Variants in LRRC4C observed in about 807,000 individuals in gnomAD.
The protein encoded by LRRC4C is leucine rich repeat containing 4C.
LRRC4C carries 5 observed loss-of-function variants against 33.6 expected under a neutral mutation model. The observed-to-expected ratio is 0.15, with a 90% CI of 0.08 to 0.31. LRRC4C has a LOEUF of 0.31. Among genes scored for constraint, LRRC4C ranks in the 10% least tolerant of loss-of-function variants. LRRC4C has a pLI of 1.00. For missense variants in LRRC4C, 560 were observed against 796.7 expected, an observed-to-expected ratio of 0.70 and a Z score of 3.58; for synonymous variants, 329 against 302.0, an observed-to-expected ratio of 1.09 and a Z score of -0.93.
At chr11:40,509,950 G>T (rs1002409597) in intron 3 of LRRC4C, among the ~76,000 whole-genome samples, 2 of 152,082 alleles carry the variant, frequency 1.3e-5, no homozygotes, top group Admixed American at 1.3e-4. Context: ...GAGGCAGTGT[G>T]CAAGGCAGTG....
chr11:40,252,207 A>C (rs892416877), intron 4 of LRRC4C, among the ~76,000 whole-genome samples: 2 of 151,982 alleles, frequency 1.3e-5, no homozygotes, highest in African/African-American at 4.8e-5. Context: ...ACCCTAGCAC[A>C]CATATGTATA....
At chr11:40,571,693 GT>G (rs1461027231) in intron 3 of LRRC4C, among the ~76,000 whole-genome samples, 1 of 152,054 alleles carries the variant, frequency 6.6e-6, no homozygotes, top group Non-Finnish European at 1.5e-5. Flanking sequence ...ATTATATTGT[GT>G]TTCTATCTGT....
At chr11:41,171,171 T>A (rs1944960650) in intron 1 of LRRC4C, among the ~76,000 whole-genome samples, 2 of 152,002 alleles carry the variant, frequency 1.3e-5, no homozygotes. Context: ...GTAAACTAGT[T>A]CAACCATTGT....
At chr11:41,031,653 G>A (rs976796437) in intron 1 of LRRC4C, among the ~76,000 whole-genome samples, 4 of 151,928 alleles carry the variant, frequency 2.6e-5, no homozygotes, top group Admixed American at 1.3e-4. Flanking sequence ...ATTCAAGCTC[G>A]GTATTGGGAC....
chr11:40,807,920 T>C (rs1191046015), intron 2 of LRRC4C, among the ~76,000 whole-genome samples: 1 of 152,198 alleles, frequency 6.6e-6, no homozygotes, highest in Admixed American at 6.6e-5. Context: ...ATTCCATGCC[T>C]GGGAATAATA....
At chr11:40,512,016 C>A (rs769177820) in intron 3 of LRRC4C, among the ~76,000 whole-genome samples, 7 of 151,972 alleles carry the variant, frequency 4.6e-5, no homozygotes, top group Non-Finnish European at 8.8e-5. Context: ...TGTATTAGTG[C>A]AGGATGAGCC....
intron 1 of LRRC4C, among the ~76,000 whole-genome samples, chr11:40,967,673 C>T (rs1851456955): frequency 6.6e-6 from 1 of 151,694 alleles, no homozygotes; most frequent in South Asian, 2.1e-4. Context: ...CAAATCATGC[C>T]CATATAAGAC....
intron 2 of LRRC4C, among the ~76,000 whole-genome samples, chr11:40,799,658 A>G (rs939063457): frequency 6.6e-6 from 1 of 152,028 alleles, no homozygotes; most frequent in Admixed American, 6.6e-5. Context: ...TTAGTAGAGA[A>G]GGGGTTTTGC....
intron 1 of LRRC4C, among the ~76,000 whole-genome samples, chr11:40,969,274 T>C (rs2136966987): frequency 8.2e-6 from 1 of 121,346 alleles, no homozygotes; most frequent in African/African-American, 2.8e-5. Context: ...GTTAGGGAGT[T>C]GTTTCTTATG....
At chr11:40,636,453 G>A (rs1018141196) in intron 3 of LRRC4C, among the ~76,000 whole-genome samples, 1 of 152,046 alleles carries the variant, frequency 6.6e-6, no homozygotes, top group Non-Finnish European at 1.5e-5. Flanking sequence ...CATTGGTAAT[G>A]GTATCTCAGA....
In LRRC4C at chr11:40,936,400, C is replaced by T. The variant is rs11036153; in HGVS notation, c.-495-2677G>A. ...CTGCCCAGGCTGGAGTGCAGTGGCGCGATCTCGGCTCACTGCAAGCTCCGC... is the reference window on the plus strand; with the variant it reads ...CTGCCCAGGCTGGAGTGCAGTGGCGTGATCTCGGCTCACTGCAAGCTCCGC... On this transcript the variant is annotated intron_variant, in intron 1 of 6. Transcript: ENST00000528697. Among the ~76,000 whole-genome samples, 107 of 144,848 alleles carry T rather than the reference C, an allele frequency of 7.4e-4. 1 individual carries two copies. In the East Asian group the frequency reaches 0.02, roughly 27 times the overall value.
At chr11:40,778,530 A>G (rs1358181822) in intron 2 of LRRC4C, among the ~76,000 whole-genome samples, 2 of 152,170 alleles carry the variant, frequency 1.3e-5, no homozygotes, top group Non-Finnish European at 2.9e-5. Flanking sequence ...CTTTAATGAA[A>G]AAACAATAAT....
At chr11:40,744,332 G>C (rs532545704) in intron 2 of LRRC4C, among the ~76,000 whole-genome samples, 1 of 152,146 alleles carries the variant, frequency 6.6e-6, no homozygotes, top group Non-Finnish European at 1.5e-5. Flanking sequence ...GGTGACATCT[G>C]AAAAGATTAA....
intron 3 of LRRC4C, among the ~76,000 whole-genome samples, chr11:40,565,139 T>A (rs1957703777): frequency 6.6e-6 from 1 of 152,158 alleles, no homozygotes; most frequent in African/African-American, 2.4e-5. Flanking sequence ...GGAAATGTGA[T>A]TCATTCCACT....
At chr11:40,460,403 C>T (rs1213398511) in intron 3 of LRRC4C, among the ~76,000 whole-genome samples, 1 of 151,798 alleles carries the variant, frequency 6.6e-6, no homozygotes, top group Non-Finnish European at 1.5e-5. Flanking sequence ...GGCATGACTG[C>T]AGATAATAAA....
chr11:40,815,322 T>G (rs1951662916), intron 2 of LRRC4C, among the ~76,000 whole-genome samples: 3 of 152,140 alleles, frequency 2.0e-5, no homozygotes, highest in African/African-American at 4.8e-5. Flanking sequence ...AACTTGCCCC[T>G]TAATTCAATT....
At chr11:40,362,617 G>T (rs748204132) in intron 3 of LRRC4C, among the ~76,000 whole-genome samples, 2 of 152,142 alleles carry the variant, frequency 1.3e-5, no homozygotes, top group Non-Finnish European at 1.5e-5. Context: ...CTACTTGGGA[G>T]GCCAAGGAGG....
chr11:41,061,428 T>C (rs1158897037), intron 1 of LRRC4C, among the ~76,000 whole-genome samples: 4 of 125,288 alleles, frequency 3.2e-5, no homozygotes, highest in Non-Finnish European at 7.2e-5. Context: ...TCATTTAAAA[T>C]ATACTAGGTC....
intron 2 of LRRC4C, among the ~76,000 whole-genome samples, chr11:40,749,924 C>T (rs907192643): frequency 1.3e-5 from 2 of 152,014 alleles, no homozygotes; most frequent in Non-Finnish European, 2.9e-5. Flanking sequence ...AATCTACCAA[C>T]CTAAAATTAA....
Sources: allele counts gnomAD v4.1 joint callset (sites outside exome capture counted in the v4.1 genomes callset), GRCh38; gene constraint gnomAD v4.1.1; transcripts MANE v1.5; gene names NCBI Gene and HGNC (gene_info 2026-07-23, HGNC 2026-07-21).